The following DGKI variants were observed in gnomAD, a reference collection of about 807,000 sequenced individuals.
DGKI encodes DAG kinase iota.
DGKI carries 55 observed loss-of-function variants against 147.5 expected under a neutral mutation model. That is an observed-to-expected ratio of 0.37 (90% CI 0.30 to 0.47). The LOEUF (loss-of-function observed/expected upper bound fraction) is 0.47. Ranked by LOEUF, DGKI falls within the 20% of genes least tolerant of loss-of-function variation. The pLI is 1.00. For missense variants in DGKI, 1,007 were observed against 1,323.8 expected (o/e 0.76, Z 3.71); for synonymous variants, 469 against 477.1 (o/e 0.98, Z 0.22).
At chr7:137,508,492 C>T (rs1262738991) in intron 21 of DGKI, among the ~76,000 whole-genome samples, 1 of 152,092 alleles carries the variant, frequency 6.6e-6, no homozygotes, top group Non-Finnish European at 1.5e-5. Context: ...TCCCAAAGTG[C>T]TGGGATTACA....
intron 1 of DGKI, among the ~76,000 whole-genome samples, chr7:137,829,037 C>T (rs368582238): frequency 6.6e-6 from 1 of 152,180 alleles, no homozygotes; most frequent in Non-Finnish European, 1.5e-5. Flanking sequence ...CTTCCCATAA[C>T]CTTTATTCTA....
At chr7:137,422,706 G>A (rs529586741) in intron 28 of DGKI, among the ~76,000 whole-genome samples, 20 of 132,496 alleles carry the variant, frequency 1.5e-4, no homozygotes, top group African/African-American at 5.0e-4. Context: ...CCGGGTTCAC[G>A]CAATTCTCCT....
At chr7:137,819,179 C>T (rs940008718) in intron 1 of DGKI, among the ~76,000 whole-genome samples, 1 of 152,106 alleles carries the variant, frequency 6.6e-6, no homozygotes, top group Non-Finnish European at 1.5e-5. Flanking sequence ...CTTAATATAG[C>T]TATTGAGTAC....
At chr7:137,391,384 C>T in intron 32 of DGKI, 48 bp from the exon 33 acceptor site, 1 of 1,303,402 alleles carries the variant, frequency 7.7e-7, no homozygotes, top group Non-Finnish European at 1.1e-6. Context: ...GAGATAGACA[C>T]AAGCGCTAGT....
chr7:137,560,108 G>A (rs1034459273), intron 19 of DGKI, among the ~76,000 whole-genome samples: 1 of 152,022 alleles, frequency 6.6e-6, no homozygotes, highest in Non-Finnish European at 1.5e-5. Context: ...CACATACGAT[G>A]TATCATCCAC....
intron 1 of DGKI, among the ~76,000 whole-genome samples, chr7:137,834,631 G>A (rs1380357473): frequency 6.6e-6 from 1 of 152,210 alleles, no homozygotes; most frequent in Non-Finnish European, 1.5e-5. Context: ...TTGAGGAGGG[G>A]AATGGTGAGG....
At chr7:137,608,323 C>A (rs1049578319) in intron 10 of DGKI, among the ~76,000 whole-genome samples, 1 of 152,158 alleles carries the variant, frequency 6.6e-6, no homozygotes, top group Non-Finnish European at 1.5e-5. Context: ...GATGAAGAGA[C>A]AAAGACCAGG....
At chr7:137,512,657 G>A (rs567179239) in intron 21 of DGKI, among the ~76,000 whole-genome samples, 1 of 152,280 alleles carries the variant, frequency 6.6e-6, no homozygotes, top group African/African-American at 2.4e-5. Context: ...GCAATTGATT[G>A]CTCTCATTGC....
intron 28 of DGKI, among the ~76,000 whole-genome samples, chr7:137,412,533 C>T (rs772383434): frequency 1.3e-5 from 2 of 152,034 alleles, no homozygotes; most frequent in Non-Finnish European, 2.9e-5. Flanking sequence ...TTTAACCCCT[C>T]TGAGCCTCAG....
intron 30 of DGKI, 50 bp downstream of exon 30, chr7:137,407,825 A>G: frequency 6.3e-7 from 1 of 1,598,958 alleles, no homozygotes; most frequent in Non-Finnish European, 8.5e-7. Flanking sequence ...GCAAAATGCA[A>G]TGGATTTCAC....
At chr7:137,787,729 G>A (rs879525685) in intron 1 of DGKI, among the ~76,000 whole-genome samples, 23 of 152,142 alleles carry the variant, frequency 1.5e-4, no homozygotes, top group Non-Finnish European at 2.9e-4. Context: ...CAATCAATGA[G>A]TGGATAAAGA....
intron 27 of DGKI, among the ~76,000 whole-genome samples, chr7:137,444,673 C>A (rs1813644539): frequency 6.6e-6 from 1 of 152,230 alleles, no homozygotes. Context: ...AAGGCAATCA[C>A]TGAGGTTCCT....
chr7:137,832,478 G>A (rs1798246869), intron 1 of DGKI, among the ~76,000 whole-genome samples: 2 of 152,240 alleles, frequency 1.3e-5, no homozygotes. Context: ...TGAAGCAATA[G>A]CTCAAGCTAT....
intron 21 of DGKI, chr7:137,493,876 G>A (rs1373274693): frequency 3.0e-6 from 2 of 657,392 alleles, no homozygotes; most frequent in African/African-American, 1.8e-5. Context: ...GGACAGGAAT[G>A]AAGATCATCG....
In DGKI at chr7:137,540,907, A is replaced by G. The variant is rs186526099; in HGVS notation, c.2147+11462T>C. 1.9e-3 allele frequency among the ~76,000 whole-genome samples: 294 copies of G among 152,208 alleles called. 1 individual carries two copies. Among genetic ancestry groups the G allele is most frequent in the African/African-American group, 6.7e-3 (280 of 41,508 alleles). ...GGACAAATAAAATAAATGAAGAGAC[A>G]CAGAGAATTTATGAACTGAGAGTCT... On this transcript the variant is annotated intron_variant, in intron 20 of 32. Transcript: ENST00000614521.
intron 1 of DGKI, among the ~76,000 whole-genome samples, chr7:137,840,109 A>C (rs1459896059): frequency 6.6e-6 from 1 of 152,182 alleles, no homozygotes; most frequent in African/African-American, 2.4e-5. Flanking sequence ...TCCTCTCCCT[A>C]AACACTATGG....
At chr7:137,412,140 C>T (rs751716761) in intron 29 of DGKI, 30 bp downstream of exon 29, 3 of 1,604,038 alleles carry the variant, frequency 1.9e-6, no homozygotes, top group Admixed American at 1.7e-5. Context: ...CTTAAAGCAT[C>T]GCCAAAGATT....
chr7:137,584,895 T>C (rs1585256052), intron 14 of DGKI, among the ~76,000 whole-genome samples: 1 of 152,334 alleles, frequency 6.6e-6, no homozygotes, highest in East Asian at 1.9e-4. Flanking sequence ...TATTTTTTCA[T>C]CTTCTCATAG....
At chr7:137,572,018 C>G (rs2128976336) in intron 18 of DGKI, among the ~76,000 whole-genome samples, 2 of 152,240 alleles carry the variant, frequency 1.3e-5, no homozygotes, top group East Asian at 3.9e-4. Context: ...TTGAGCACTG[C>G]CAAGAATAAT....
Sources: allele counts gnomAD v4.1 joint callset (sites outside exome capture counted in the v4.1 genomes callset), GRCh38; gene constraint gnomAD v4.1.1; transcripts MANE v1.5; gene names NCBI Gene and HGNC (gene_info 2026-07-23, HGNC 2026-07-21).